RAF1: variants seen among roughly 807,000 people sequenced by gnomAD.
RAF1 encodes the protein RAF proto-oncogene serine/threonine-protein kinase.
In RAF1, 27 loss-of-function variants were observed where a neutral mutation model predicts 81.1. That is an observed-to-expected ratio of 0.33 (90% CI 0.25 to 0.46). The LOEUF (loss-of-function observed/expected upper bound fraction) is 0.46. RAF1 is among the 20% of genes least tolerant of loss of function. RAF1 has a pLI of 1.00. For synonymous variants in RAF1, 298 were observed against 294.0 expected, an observed-to-expected ratio of 1.01 and a Z score of -0.14; for missense variants, 598 against 826.0, an observed-to-expected ratio of 0.72 and a Z score of 3.38.
chr3:12,643,025 ACATTGGTTTT>A (rs2060241487), intron 1 of RAF1, among the ~76,000 whole-genome samples: 1 of 152,116 alleles, frequency 6.6e-6, no homozygotes, highest in South Asian at 2.1e-4. Context: ...AAGCAGGAGG[ACATTGGTTTT>A]CATCTCCTAT....
intron 1 of RAF1, among the ~76,000 whole-genome samples, chr3:12,656,180 C>A (rs1006074451): frequency 6.7e-6 from 1 of 149,144 alleles, no homozygotes; most frequent in African/African-American, 2.5e-5. Context: ...CTCTCAAAAT[C>A]ACACTATAAT....
At position 12,625,411 on chromosome 3, in the gene RAF1, T is replaced by C. The variant is rs564345189; in HGVS notation, c.-26-6664A>G. Among the ~76,000 whole-genome samples the C allele has an allele frequency of 3.3e-5, 5 of 152,220 alleles. No homozygotes were observed. In the South Asian group the frequency reaches 6.2e-4, roughly 19 times the overall value. On this transcript the variant is annotated intron_variant, in intron 1 of 17. Transcript: ENST00000442415. ...TTTGTAAAATTAAAAAGGCAAAACA[T>C]CTAGCACAAGCATTTGAAGTATTCT...
rs1031765916 is a variant in RAF1, at chr3:12,658,471, G to A, written c.-27+5342C>T. Among the ~76,000 whole-genome samples the A allele has an allele frequency of 6.0e-4, 91 of 151,990 alleles. 1 individual carries two copies. Among genetic ancestry groups the A allele is most frequent in the Admixed American group, 5.1e-3 (78 of 15,250 alleles). ...TACAAAATTAGCCAGGTGTGGTGGCGCATGCCTGTAATCCCAGCTACTCAG... is the reference window on the plus strand; with the variant it reads ...TACAAAATTAGCCAGGTGTGGTGGCACATGCCTGTAATCCCAGCTACTCAG... On this transcript the variant is annotated intron_variant, in intron 1 of 17. Coordinates refer to ENST00000442415, the MANE Select transcript of RAF1 (RefSeq NM_001354689.3).
intron 1 of RAF1, among the ~76,000 whole-genome samples, chr3:12,629,647 T>C (rs2059806227): frequency 6.6e-6 from 1 of 152,202 alleles, no homozygotes; most frequent in South Asian, 2.1e-4. Flanking sequence ...CCATCACATA[T>C]GTTAAGATCC....
intron 17 of RAF1, 49 bp downstream of exon 16, chr3:12,584,798 T>G (rs752118726): frequency 1.9e-6 from 3 of 1,613,972 alleles, no homozygotes; most frequent in South Asian, 1.1e-5. Context: ...TTGCCATCTT[T>G]ACGAACCAAC....
intron 1 of RAF1, among the ~76,000 whole-genome samples, chr3:12,641,234 G>C (rs1289482324): frequency 2.2e-5 from 3 of 139,048 alleles, no homozygotes; most frequent in East Asian, 4.6e-4. Context: ...GAGGGAGGAG[G>C]GATAGCATTA....
intron 11 of RAF1, 182 bp from the exon 11 acceptor site, chr3:12,591,974 A>G: frequency 3.1e-6 from 2 of 637,500 alleles, no homozygotes; most frequent in South Asian, 3.5e-5. Flanking sequence ...TCTAGGCTAG[A>G]GTGCAGTGGC....
chr3:12,661,106 A>T (rs2060863231), intron 1 of RAF1, among the ~76,000 whole-genome samples: 1 of 152,206 alleles, frequency 6.6e-6, no homozygotes, highest in African/African-American at 2.4e-5. Context: ...AATAATCCTG[A>T]ATGTTCTTCA....
chr3:12,598,192 G>C (rs893895428), intron 11 of RAF1, among the ~76,000 whole-genome samples: 2 of 151,362 alleles, frequency 1.3e-5, no homozygotes, highest in African/African-American at 4.9e-5. Flanking sequence ...CTAATTTTTG[G>C]TAGAGATGGG....
At chr3:12,635,113 C>T (rs1481935005) in intron 1 of RAF1, among the ~76,000 whole-genome samples, 2 of 151,784 alleles carry the variant, frequency 1.3e-5, no homozygotes, top group South Asian at 2.1e-4. Flanking sequence ...ATTGCATGAG[C>T]TCATGAGTTC....
intron 1 of RAF1, among the ~76,000 whole-genome samples, chr3:12,629,217 T>C (rs1044981557): frequency 1.8e-4 from 27 of 152,324 alleles, no homozygotes; most frequent in Admixed American, 1.5e-3. Flanking sequence ...AAGTTGGCTA[T>C]TGTTTAAGAT....
chr3:12,626,720 T>G (rs2059714000), intron 1 of RAF1, among the ~76,000 whole-genome samples: 1 of 152,096 alleles, frequency 6.6e-6, no homozygotes, highest in Non-Finnish European at 1.5e-5. Flanking sequence ...TTTTTTTTGT[T>G]GTTGTTTTTT....
intron 1 of RAF1, among the ~76,000 whole-genome samples, chr3:12,623,849 C>A (rs28633721): frequency 7.0e-6 from 1 of 142,688 alleles, no homozygotes; most frequent in Non-Finnish European, 1.5e-5. Context: ...TTTCCTAACC[C>A]TTTTCTTTTT....
chr3:12,637,653 G>A (rs1355951291), intron 1 of RAF1, among the ~76,000 whole-genome samples: 3 of 151,848 alleles, frequency 2.0e-5, no homozygotes, highest in Admixed American at 6.6e-5. Context: ...GGGAGTTCGA[G>A]ACCAGCCTGG....
At chr3:12,643,401 TA>T (rs1281020325) in intron 1 of RAF1, among the ~76,000 whole-genome samples, 1 of 92,748 alleles carries the variant, frequency 1.1e-5, no homozygotes, top group Non-Finnish European at 2.2e-5. Context: ...AAGAAAAGAG[TA>T]ACTATAGGGG....
chr3:12,661,288 T>A (rs1393916474), intron 1 of RAF1, among the ~76,000 whole-genome samples: 1 of 152,194 alleles, frequency 6.6e-6, no homozygotes, highest in Non-Finnish European at 1.5e-5. Flanking sequence ...GAGAAGTCAA[T>A]ACAAATAAAT....
intron 1 of RAF1, among the ~76,000 whole-genome samples, chr3:12,639,719 AAG>A (rs2060128676): frequency 6.6e-6 from 1 of 152,094 alleles, no homozygotes. Context: ...AACAAAATAA[AAG>A]AGGACACAAA....
At chr3:12,636,970 C>A (rs1463404000) in intron 1 of RAF1, among the ~76,000 whole-genome samples, 2 of 152,094 alleles carry the variant, frequency 1.3e-5, no homozygotes, top group African/African-American at 4.8e-5. Flanking sequence ...ACTACTTGGG[C>A]AACTCCATGG....
intron 1 of RAF1, among the ~76,000 whole-genome samples, chr3:12,663,117 CCT>C (rs1462496923): frequency 2.0e-5 from 3 of 152,184 alleles, no homozygotes; most frequent in African/African-American, 4.8e-5. Context: ...CGTCCAAACC[CCT>C]CTCTCTTGGG....
Sources: allele counts gnomAD v4.1 joint callset (sites outside exome capture counted in the v4.1 genomes callset), GRCh38; gene constraint gnomAD v4.1.1; transcripts MANE v1.5; gene names NCBI Gene and HGNC (gene_info 2026-07-23, HGNC 2026-07-21).